The following TTC9 variants were observed in gnomAD, a reference collection of about 807,000 sequenced individuals.
TTC9 encodes the protein tetratricopeptide repeat protein 9A.
A neutral mutation model predicts 22.9 loss-of-function variants in TTC9; 13 were observed. That is an observed-to-expected ratio of 0.57 (90% CI 0.37 to 0.90). TTC9 has a LOEUF of 0.90. Ranked by LOEUF, TTC9 falls within the 40% of genes least tolerant of loss-of-function variation. The pLI is 0.01. For missense variants in TTC9, 280 were observed against 291.8 expected (o/e 0.96, Z 0.29); for synonymous variants, 148 against 133.2 (o/e 1.11, Z -0.77).
chr14:70,669,811 C>T (rs1470059716), intron 2 of TTC9, among the ~76,000 whole-genome samples: 1 of 152,154 alleles, frequency 6.6e-6, no homozygotes, highest in Non-Finnish European at 1.5e-5. Flanking sequence ...CAGCACGGTT[C>T]TGGAGGATAC....
chr14:70,671,140 A>T lies in TTC9; in HGVS notation c.654A>T (p.Glu218Asp), dbSNP rs368825217. The T allele has an allele frequency of 3.1e-6, 5 of 1,613,634 alleles. No individual in the cohort carries two copies. Among genetic ancestry groups the T allele is most frequent in the Non-Finnish European group, 4.2e-6 (5 of 1,179,696 alleles). The stretch of plus-strand genomic sequence containing the variant: ...AACTCAGCCGATGCTCCCAGAGAGA[A>T]AAAGAAGCCATGTAACCAGGAAGCA... Reference protein sequence around the residue: ...EMKLSRCSQREKEAM With the variant: ...EMKLSRCSQRDKEAM The change falls in exon 3 of 3, where the codon GAA becomes GAT. Residue 218 changes from glutamate (E) to aspartate (D), a missense_variant. Glu to Asp is a conservative substitution (Grantham distance 45). Around this residue, in one of 5 missense-constraint regions of TTC9, gnomAD observed 22 missense variants for 20.4 expected, o/e 1.08. Coordinates refer to ENST00000256367, the MANE Select transcript of TTC9 (RefSeq NM_015351.2).
chr14:70,672,906 T>G lies in TTC9; in HGVS notation c.*1751T>G, dbSNP rs1886316790. On this transcript the variant is annotated 3_prime_UTR_variant, in exon 3 of 3. Coordinates refer to ENST00000256367, the MANE Select transcript of TTC9 (RefSeq NM_015351.2). ...TATCTATGCTATACTTAGTTGCCTC[T>G]CTGTAAGTATAATATTGGGCAATTA... The G allele has an allele frequency of 6.6e-6, 1 of 152,234 alleles. No homozygotes were observed. The highest frequency in any genetic ancestry group is 1.5e-5 in the Non-Finnish European group (1 of 68,050). The allele number at this position is 152,234 out of a possible 1,614,324, so 9.4% of individuals were successfully genotyped here. A position where few individuals can be genotyped will look rare whatever the true frequency, so the allele number is the denominator to read the frequency against.
In TTC9 at chr14:70,671,150, A is replaced by T. The variant is rs1360286295; in HGVS notation, c.664A>T (p.Met222Leu). The T allele has an allele frequency of 1.9e-6, 3 of 1,613,396 alleles. No individual in the cohort carries two copies. The highest frequency in any genetic ancestry group is 2.5e-6 in the Non-Finnish European group (3 of 1,179,658). The change falls in exon 3 of 3, where the codon ATG becomes TTG. Residue 222 changes from methionine to leucine, a missense_variant. By Grantham distance (15) the Met-to-Leu change is conservative. Coordinates refer to ENST00000256367, the MANE Select transcript of TTC9 (RefSeq NM_015351.2). ...ATGCTCCCAGAGAGAAAAAGAAGCCATGTAACCAGGAAGCAGCTCCAGAGC... is the reference window on the plus strand; with the variant it reads ...ATGCTCCCAGAGAGAAAAAGAAGCCTTGTAACCAGGAAGCAGCTCCAGAGC... ...SRCSQREKEA[M>L]
At chr14:70,663,828 A>C (rs1483712935) in intron 1 of TTC9, among the ~76,000 whole-genome samples, 4 of 151,974 alleles carry the variant, frequency 2.6e-5, no homozygotes, top group Non-Finnish European at 5.9e-5. Context: ...TCCACAGATG[A>C]CCTCTCTTTC....
intron 1 of TTC9, among the ~76,000 whole-genome samples, chr14:70,654,587 C>CAAAAAAAAAAAAAAAAAAAAAAAAA: frequency 1.7e-5 from 1 of 57,158 alleles, no homozygotes; most frequent in Non-Finnish European, 3.1e-5. Context: ...GGCTCTGTCT[C>CAAAAAAAAAAAAAAAAAAAAAAAAA]AAAAAAAAAA....
chr14:70,669,463 T>C (rs1201563281), intron 2 of TTC9, among the ~76,000 whole-genome samples: 1 of 151,938 alleles, frequency 6.6e-6, no homozygotes, highest in Non-Finnish European at 1.5e-5. Context: ...TTATTTTTTG[T>C]ATAGATGAAG....
rs747146978 is a variant in TTC9 at position 70,672,122 on chromosome 14, G to A, written c.*967G>A. The A allele has an allele frequency of 2.0e-5, 3 of 152,252 alleles. No individual in the cohort carries two copies. Among genetic ancestry groups the A allele is most frequent in the Non-Finnish European group, 4.4e-5 (3 of 68,084 alleles). 9.4% of individuals were successfully genotyped at this position (152,252 alleles called of 1,614,324 possible). On this transcript the variant is annotated 3_prime_UTR_variant, in exon 3 of 3. Transcript: ENST00000256367. ...GAGCTACTTACAGCCAGGCAGGATGGGGCTTTCCCCAAAGCAATTGGCCGT... is the reference window on the plus strand; with the variant it reads ...GAGCTACTTACAGCCAGGCAGGATGAGGCTTTCCCCAAAGCAATTGGCCGT...
chr14:70,656,707 G>A (rs1306926644), intron 1 of TTC9, among the ~76,000 whole-genome samples: 3 of 152,220 alleles, frequency 2.0e-5, no homozygotes, highest in Admixed American at 1.3e-4. Flanking sequence ...CGTGACGTGT[G>A]TACTTGGCCA....
intron 1 of TTC9, among the ~76,000 whole-genome samples, chr14:70,665,544 G>A (rs534137688): frequency 3.3e-5 from 5 of 152,334 alleles, no homozygotes; most frequent in African/African-American, 9.6e-5. Flanking sequence ...AACAAGAGCT[G>A]CCCTCGGGGG....
Position 70,668,395 on chromosome 14 carries a change from T to TG in TTC9, c.589+652dup, listed in dbSNP as rs776397268. Among the ~76,000 whole-genome samples, 4 of 151,998 alleles carry TG rather than the reference T, an allele frequency of 2.6e-5. No homozygotes were observed. In the East Asian group the frequency reaches 7.7e-4, roughly 29 times the overall value. On this transcript the variant is annotated intron_variant, in intron 2 of 2. Transcript: ENST00000256367. ...ATAATGGCTCACTGTCTATTGTAAG[T>TG]GGGAAAAAAAAGTGTGGAGAGGGGA...
chr14:70,671,290 C>A lies in TTC9; in HGVS notation c.*135C>A. 1 of 702,894 alleles carries A rather than the reference C, an allele frequency of 1.4e-6. No individual in the cohort carries two copies. Among genetic ancestry groups the A allele is most frequent in the Non-Finnish European group, 2.3e-6 (1 of 428,594 alleles). 43.5% of individuals were successfully genotyped at this position (702,894 alleles called of 1,614,324 possible). On this transcript the variant is annotated 3_prime_UTR_variant, in exon 3 of 3. Coordinates refer to ENST00000256367, the MANE Select transcript of TTC9 (RefSeq NM_015351.2). ...TCCTCATTTTTCCTCCTGTTGCACCCCAGCTCTTTGTCTCCTCCCAGTACG... is the reference window on the plus strand; with the variant it reads ...TCCTCATTTTTCCTCCTGTTGCACCACAGCTCTTTGTCTCCTCCCAGTACG...
intron 1 of TTC9, among the ~76,000 whole-genome samples, chr14:70,665,364 G>A (rs919807365): frequency 6.6e-6 from 1 of 152,120 alleles, no homozygotes; most frequent in African/African-American, 2.4e-5. Flanking sequence ...CTCTCTCTCT[G>A]TACAGCTGTA....
At chr14:70,642,614 C>A in intron 1 of TTC9, 79 bp downstream of exon 1, 2 of 1,348,028 alleles carry the variant, frequency 1.5e-6, no homozygotes, top group South Asian at 1.4e-5. Context: ...GGCGCTCCCG[C>A]GGTGCAGATT....
chr14:70,671,538 A>T lies in TTC9; in HGVS notation c.*383A>T, dbSNP rs1200788491. ...CCCACAGGCAGCAGGCACACAGCCC[A>T]TGGGCTGGATCCTTCCACACTTTCC... On this transcript the variant is annotated 3_prime_UTR_variant, in exon 3 of 3. Coordinates refer to ENST00000256367, the MANE Select transcript of TTC9 (RefSeq NM_015351.2). The T allele has an allele frequency of 4.3e-6, 1 of 229,930 alleles. No homozygotes were observed. The highest frequency in any genetic ancestry group is 8.7e-6 in the Non-Finnish European group (1 of 114,782). 14.2% of individuals were successfully genotyped at this position (229,930 alleles called of 1,614,324 possible).
intron 1 of TTC9, among the ~76,000 whole-genome samples, chr14:70,644,163 C>T (rs1885870023): frequency 6.6e-6 from 1 of 152,192 alleles, no homozygotes; most frequent in East Asian, 1.9e-4. Flanking sequence ...CATTCTAGGG[C>T]TGCCAACCAG....
intron 1 of TTC9, among the ~76,000 whole-genome samples, chr14:70,648,879 G>A (rs1241554426): frequency 1.3e-5 from 2 of 152,132 alleles, no homozygotes; most frequent in Non-Finnish European, 2.9e-5. Flanking sequence ...GATTAAAGGA[G>A]TTTAGCCTAA....
chr14:70,662,879 A>T (rs1246238030), intron 1 of TTC9, among the ~76,000 whole-genome samples: 1 of 152,240 alleles, frequency 6.6e-6, no homozygotes, highest in Non-Finnish European at 1.5e-5. Flanking sequence ...ACACTTCTCG[A>T]CAATCAGGAA....
chr14:70,648,949 A>T lies in TTC9; in HGVS notation c.406+6414A>T, dbSNP rs79477860. 8.9e-3 allele frequency among the ~76,000 whole-genome samples: 1,350 copies of T among 152,348 alleles called. 16 individuals carry two copies. Among genetic ancestry groups the T allele is most frequent in the Admixed American group, 0.038 (586 of 15,304 alleles). On this transcript the variant is annotated intron_variant, in intron 1 of 2. Transcript: ENST00000256367. ...ACCACTGTAAAGCTCACTATCTTAT[A>T]CAGACGTACAATGTCATATCCCCAG...
Position 70,642,670 on chromosome 14 carries a change from C to G in TTC9, c.406+135C>G. 5 of 817,296 alleles carry G rather than the reference C, an allele frequency of 6.1e-6. No individual in the cohort carries two copies. The South Asian group carries it at 9.3e-5, about 15-fold the overall frequency. 50.6% of individuals were successfully genotyped at this position (817,296 alleles called of 1,614,324 possible). A position where few individuals can be genotyped will look rare whatever the true frequency, so the allele number is the denominator to read the frequency against. ...CTCTGGGGAGAACCCGGGAGGGAGG[C>G]GCTTTGGAAAAAGTGTGACTTTCAG... On this transcript the variant is annotated intron_variant, in intron 1 of 2. Coordinates refer to ENST00000256367, the MANE Select transcript of TTC9 (RefSeq NM_015351.2).
Sources: gnomAD v4.1 joint callset for allele counts (sites outside exome capture counted in the v4.1 genomes callset) on GRCh38, gnomAD v4.1.1 for gene constraint, gnomAD v4.1.1 regional missense constraint, MANE v1.5 for transcripts, NCBI Gene and HGNC (gene_info 2026-07-23, HGNC 2026-07-21) for gene names.